TBC1D22A: variants seen among roughly 807,000 people sequenced by gnomAD.
TBC1D22A encodes the protein putative GTPase activator.
TBC1D22A carries 38 observed loss-of-function variants against 60.2 expected under a neutral mutation model. The ratio of observed to expected loss-of-function variants is 0.63; its 90% CI spans 0.49 to 0.83. TBC1D22A has a LOEUF of 0.83. Ranked by LOEUF, TBC1D22A falls within the 40% of genes least tolerant of loss-of-function variation. TBC1D22A has a pLI of 0.00. For missense variants in TBC1D22A, 628 were observed against 701.0 expected, an observed-to-expected ratio of 0.90 and a Z score of 1.18; for synonymous variants, 302 against 281.7, an observed-to-expected ratio of 1.07 and a Z score of -0.72.
chr22:47,122,121 T>C (rs2066292613), intron 12 of TBC1D22A, among the ~76,000 whole-genome samples: 1 of 152,150 alleles, frequency 6.6e-6, no homozygotes, highest in Non-Finnish European at 1.5e-5. Flanking sequence ...GATGCTTCCC[T>C]GGTAACACAT....
At chr22:46,816,975 G>A (rs1030833463) in intron 4 of TBC1D22A, among the ~76,000 whole-genome samples, 2 of 152,142 alleles carry the variant, frequency 1.3e-5, no homozygotes, top group African/African-American at 4.8e-5. Context: ...TAGGCAAAAT[G>A]CTGATGTTCG....
rs1157673082 is a variant in TBC1D22A at position 47,155,771 on chromosome 22, CAG to C, written c.1426-17726_1426-17725del. ...AGACCCCCACCCGAGTGCCCACCCT[CAG>C]GGGCGGTGGTGCGGACGGGCGCAGC... On this transcript the variant is annotated intron_variant, in intron 12 of 12. Coordinates refer to ENST00000337137, the MANE Select transcript of TBC1D22A (RefSeq NM_014346.5). 3.3e-5 allele frequency among the ~76,000 whole-genome samples: 5 copies of C among 151,584 alleles called. No individual in the cohort carries two copies. The East Asian group carries it at 7.7e-4, about 23-fold the overall frequency.
intron 12 of TBC1D22A, chr22:47,115,884 A>C (rs1367121160): frequency 6.6e-6 from 1 of 152,236 alleles, no homozygotes; most frequent in African/African-American, 2.4e-5. Context: ...GGTGTAGTTT[A>C]AGTGCCTGAT....
At chr22:46,883,985 G>C (rs948875252) in intron 5 of TBC1D22A, among the ~76,000 whole-genome samples, 3 of 152,146 alleles carry the variant, frequency 2.0e-5, no homozygotes, top group Non-Finnish European at 4.4e-5. Context: ...GCCACCTTTG[G>C]GTCTGACAGG....
At chr22:47,044,666 C>T (rs191546808) in intron 11 of TBC1D22A, among the ~76,000 whole-genome samples, 138 of 152,324 alleles carry the variant, frequency 9.1e-4, no homozygotes, top group African/African-American at 3.2e-3. Context: ...GCATAGATCA[C>T]TGTCAGCTGG....
intron 10 of TBC1D22A, among the ~76,000 whole-genome samples, chr22:47,031,011 C>T (rs1199291591): frequency 6.6e-6 from 1 of 152,224 alleles, no homozygotes; most frequent in Non-Finnish European, 1.5e-5. Flanking sequence ...TGAAGAAGGA[C>T]ACTCCCCGGT....
intron 8 of TBC1D22A, among the ~76,000 whole-genome samples, chr22:46,970,349 C>T (rs1236785943): frequency 1.3e-5 from 2 of 152,174 alleles, no homozygotes; most frequent in African/African-American, 2.4e-5. Context: ...TCCTTTCAAT[C>T]GCGTTTCTTC....
chr22:47,105,758 C>A (rs2065610781), intron 11 of TBC1D22A, among the ~76,000 whole-genome samples: 1 of 152,046 alleles, frequency 6.6e-6, no homozygotes, highest in Non-Finnish European at 1.5e-5. Context: ...GTTTCCCACC[C>A]CCCCACTCCC....
At chr22:46,785,962 G>T (rs756542046) in intron 1 of TBC1D22A, among the ~76,000 whole-genome samples, 1 of 152,070 alleles carries the variant, frequency 6.6e-6, no homozygotes, top group Non-Finnish European at 1.5e-5. Context: ...TTGATTTTTT[G>T]TAGAGATCAA....
At chr22:46,901,292 A>G (rs899154435) in intron 7 of TBC1D22A, among the ~76,000 whole-genome samples, 1 of 152,194 alleles carries the variant, frequency 6.6e-6, no homozygotes, top group Non-Finnish European at 1.5e-5. Flanking sequence ...CTTTCTGACC[A>G]TTGTACTGAT....
intron 8 of TBC1D22A, among the ~76,000 whole-genome samples, chr22:46,916,430 C>T (rs911466737): frequency 6.6e-6 from 1 of 152,212 alleles, no homozygotes; most frequent in Non-Finnish European, 1.5e-5. Flanking sequence ...TCGTGGAGCT[C>T]ACCACTATTT....
intron 10 of TBC1D22A, among the ~76,000 whole-genome samples, chr22:47,035,120 C>A (rs1175983587): frequency 6.6e-6 from 1 of 152,230 alleles, no homozygotes; most frequent in Non-Finnish European, 1.5e-5. Context: ...AGCCAACCAA[C>A]CCCCTGCTGT....
At chr22:46,850,834 C>T (rs1483164239) in intron 4 of TBC1D22A, among the ~76,000 whole-genome samples, 1 of 152,208 alleles carries the variant, frequency 6.6e-6, no homozygotes, top group African/African-American at 2.4e-5. Flanking sequence ...GAAAAATAGT[C>T]TCTCCAGACA....
intron 8 of TBC1D22A, among the ~76,000 whole-genome samples, chr22:46,956,401 C>T (rs1389855441): frequency 1.3e-5 from 2 of 152,182 alleles, no homozygotes; most frequent in South Asian, 2.1e-4. Context: ...CTGGCTAACA[C>T]GGTGAAACCC....
intron 8 of TBC1D22A, among the ~76,000 whole-genome samples, chr22:46,938,701 T>A (rs904733932): frequency 5.3e-5 from 8 of 151,864 alleles, no homozygotes; most frequent in African/African-American, 1.9e-4. Context: ...TTCTCCTGCC[T>A]CAGCCTGCAG....
intron 7 of TBC1D22A, among the ~76,000 whole-genome samples, chr22:46,895,923 T>C (rs1430292167): frequency 1.3e-5 from 2 of 152,206 alleles, no homozygotes; most frequent in African/African-American, 2.4e-5. Flanking sequence ...GTGTGCCTGT[T>C]GTACCTTCAA....
chr22:47,098,084 A>C (rs1294471524), intron 11 of TBC1D22A, among the ~76,000 whole-genome samples: 2 of 152,184 alleles, frequency 1.3e-5, no homozygotes, highest in South Asian at 2.1e-4. Context: ...AAAAAGAAAA[A>C]AAATCAGGAT....
intron 6 of TBC1D22A, among the ~76,000 whole-genome samples, chr22:46,893,797 C>T (rs558584564): frequency 1.3e-5 from 2 of 152,366 alleles, no homozygotes; most frequent in Admixed American, 1.3e-4. Flanking sequence ...GGCAGCACTG[C>T]TGCTGGCGGG....
At chr22:47,042,549 C>T (rs2062884428) in intron 11 of TBC1D22A, among the ~76,000 whole-genome samples, 1 of 152,256 alleles carries the variant, frequency 6.6e-6, no homozygotes, top group Admixed American at 6.5e-5. Flanking sequence ...TCCTCCTGCA[C>T]CCTGTGGGTC....
Sources: gnomAD v4.1 joint callset for allele counts (sites outside exome capture counted in the v4.1 genomes callset) on GRCh38, gnomAD v4.1.1 for gene constraint, MANE v1.5 for transcripts, NCBI Gene and HGNC (gene_info 2026-07-23, HGNC 2026-07-21) for gene names.